DOCK6: variants seen among roughly 807,000 people sequenced by gnomAD.
DOCK6 encodes dedicator of cytokinesis protein 6.
A neutral mutation model predicts 230.3 loss-of-function variants in DOCK6; 167 were observed. That is an observed-to-expected ratio of 0.73 (90% CI 0.64 to 0.82). DOCK6 has a LOEUF of 0.82. DOCK6 is among the 40% of genes least tolerant of loss of function. The pLI is 0.00. For synonymous variants in DOCK6, 1,148 were observed against 1,185.0 expected, an observed-to-expected ratio of 0.97 and a Z score of 0.64; for missense variants, 2,598 against 2,825.8, an observed-to-expected ratio of 0.92 and a Z score of 1.83.
intron 24 of DOCK6, among the ~76,000 whole-genome samples, chr19:11,223,639 A>T (rs9967639): frequency 0.082 from 12,483 of 151,960 alleles, 591 homozygotes; most frequent in African/African-American, 0.12. Flanking sequence ...TTTTTATTTT[A>T]ATTTTAATTA....
rs774273979 is a variant in DOCK6 at position 11,201,896 on chromosome 19, C to T, written c.5681G>A (p.Arg1894Gln). 2.6e-5 allele frequency: 40 copies of T among 1,564,770 alleles called. No individual in the cohort carries two copies. In the Middle Eastern group the frequency reaches 1.5e-3, roughly 59 times the overall value. The change falls in exon 44 of 48, where the codon CGG (arginine) becomes CAG (glutamine). Residue 1894 changes from arginine (R) to glutamine (Q), a missense_variant. Transcript: ENST00000294618. This position sits in a 1 kb window ranked among gnomAD's most constrained non-coding sequence, Gnocchi z 4.3. ...CCCAGGATCCCCACCCACCTCCTCC[C>T]GGTGGCACACACGGATGCGAGTCTT... Reference protein sequence around the residue: ...YIKTRIRVCHREETVLTPVEV... With the variant: ...YIKTRIRVCHQEETVLTPVEV...
In DOCK6 at chr19:11,214,374, C is replaced by G; in HGVS notation, c.4239G>C (p.Leu1413Phe). 1.2e-6 allele frequency: 2 copies of G among 1,613,608 alleles called. No homozygotes were observed. Among genetic ancestry groups the G allele is most frequent in the Non-Finnish European group, 1.7e-6 (2 of 1,179,792 alleles). Residue 1413 changes from leucine (L) to phenylalanine (F), a missense_variant, in exon 34 of 48, where the codon TTG becomes TTC. Transcript: ENST00000294618. ...ACAGCACAACCTTCAGCACTGCCCC[C>G]AAGACGCTCTCCCGGGCTTCTGAAA... ...VMLSEARESV[L>F]GAVLKVVLYS...
At chr19:11,205,700 C>G (rs1163007317) in intron 39 of DOCK6, 2 of 152,098 alleles carry the variant, frequency 1.3e-5, no homozygotes, top group Non-Finnish European at 2.9e-5. Flanking sequence ...TGGTCTCAAA[C>G]TCCTGACCTC....
intron 28 of DOCK6, 45 bp downstream of exon 28, chr19:11,221,806 C>G (rs1356031710): frequency 1.9e-6 from 3 of 1,613,032 alleles, no homozygotes; most frequent in Non-Finnish European, 2.5e-6. Flanking sequence ...CTTCTGTGAC[C>G]AAGTCCCTGG....
intron 5 of DOCK6, 105 bp downstream of exon 5, chr19:11,252,014 T>A: frequency 6.6e-7 from 1 of 1,519,558 alleles, no homozygotes; most frequent in South Asian, 1.2e-5. Context: ...CAATTCCTTT[T>A]GAGCTCAAGG....
chr19:11,249,239 G>A (rs574993258), intron 6 of DOCK6, among the ~76,000 whole-genome samples: 9 of 152,250 alleles, frequency 5.9e-5, no homozygotes, highest in Non-Finnish European at 7.4e-5. Flanking sequence ...CTGGCCAGGC[G>A]CAGTGGCTCA....
rs1470857360 is a variant in DOCK6 at position 11,213,258 on chromosome 19, C to T, written c.4409G>A (p.Cys1470Tyr). The T allele has an allele frequency of 2.5e-6, 4 of 1,613,116 alleles. No homozygotes were observed. The highest frequency in any genetic ancestry group is 1.7e-5 in the Admixed American group (1 of 60,012). The change falls in exon 35 of 48, where the codon TGT (cysteine) becomes TAT (tyrosine). Residue 1470 changes from cysteine (C) to tyrosine (Y), a missense_variant. By Grantham distance (194) the Cys-to-Tyr change is radical (BLOSUM62 -2). Transcript: ENST00000294618. ...GCGGATGGTGCTGATGCGGCTGCCA[C>T]AGTGTCGTAGGAGCCTCAGGCACAG... ...ADLCLRLLRH[C>Y]GSRISTIRTH... is the part of the protein sequence containing the mutation.
rs778603926 is a variant in DOCK6 at position 11,241,451 on chromosome 19, G to A, written c.1643+594C>T. 3.2e-5 allele frequency: 49 copies of A among 1,548,368 alleles called. No homozygotes were observed. The Admixed American group carries it at 3.7e-4, about 12-fold the overall frequency. Reference sequence around the variant, plus strand: ...TCCATTCTGACCCCCACAGGCTCACGCTGACAAGCAGAGCCACATCCTATG... The same window carrying A: ...TCCATTCTGACCCCCACAGGCTCACACTGACAAGCAGAGCCACATCCTATG... On this transcript the variant is annotated intron_variant, in intron 14 of 47. Coordinates refer to ENST00000294618, the MANE Select transcript of DOCK6 (RefSeq NM_020812.4).
At chr19:11,260,230 C>T (rs953337230) in intron 1 of DOCK6, among the ~76,000 whole-genome samples, 5 of 152,090 alleles carry the variant, frequency 3.3e-5, no homozygotes, top group African/African-American at 1.2e-4. Flanking sequence ...TCCAAAACCC[C>T]TCTTTCTCAC....
chr19:11,245,905 T>C (rs2080025225), intron 7 of DOCK6, 27 bp from the exon 8 acceptor site: 1 of 1,552,864 alleles, frequency 6.4e-7, no homozygotes, highest in African/African-American at 1.4e-5. Context: ...GGGAGGGGGC[T>C]CTCCTTAACA....
chr19:11,218,266 C>T (rs2079526115), intron 28 of DOCK6, among the ~76,000 whole-genome samples: 2 of 152,094 alleles, frequency 1.3e-5, no homozygotes, highest in South Asian at 4.1e-4. Context: ...CGTGCCTCAG[C>T]CTCCCGAGTA....
At position 11,243,442 on chromosome 19, in the gene DOCK6, G is replaced by A; in HGVS notation, c.1259-57C>T. On this transcript the variant is annotated intron_variant, in intron 11 of 47. Coordinates refer to ENST00000294618, the MANE Select transcript of DOCK6 (RefSeq NM_020812.4). The surrounding 1 kb of genome is among the most constrained non-coding windows in gnomAD (Gnocchi z 6.3). ...GACCAAGATGAAACAGGGAGACTCA[G>A]GGGCGGCACAGTTCGGCCAGCAGAG... is the stretch of plus-strand genomic sequence containing the variant. 1 of 1,573,550 alleles carries A rather than the reference G, an allele frequency of 6.4e-7. No homozygotes were observed. Among genetic ancestry groups the A allele is most frequent in the Non-Finnish European group, 8.6e-7 (1 of 1,161,458 alleles).
At chr19:11,257,804 T>A in intron 1 of DOCK6, among the ~76,000 whole-genome samples, 1 of 150,102 alleles carries the variant, frequency 6.7e-6, no homozygotes, top group Non-Finnish European at 1.5e-5. Flanking sequence ...AAAAAAAAAA[T>A]CCATCTATAA....
intron 22 of DOCK6, 121 bp downstream of exon 22, chr19:11,233,082 G>T (rs2147817656): frequency 7.5e-7 from 1 of 1,341,422 alleles, no homozygotes; most frequent in Non-Finnish European, 1.0e-6. Context: ...TGCCCAGAGT[G>T]ACGCCTTCAT....
rs961670174 is a variant in DOCK6, at chr19:11,202,214, G to A, written c.5452-89C>T. 2.3e-5 allele frequency: 33 copies of A among 1,462,224 alleles called. No homozygotes were observed. In the African/African-American group the frequency reaches 4.6e-4, roughly 20 times the overall value. The allele number at this position is 1,462,224 out of a possible 1,614,324, so 90.6% of individuals were successfully genotyped here. A position where few individuals can be genotyped will look rare whatever the true frequency, so the allele number is the denominator to read the frequency against. ...TGGAGAGAGGGGATCTGGGGACTTT[G>A]TCATTTCCAAGTCTTCCTATGTCTG... On this transcript the variant is annotated intron_variant, in intron 43 of 47. Transcript: ENST00000294618. The surrounding 1 kb of genome is among the most constrained non-coding windows in gnomAD (Gnocchi z 5.3).
chr19:11,254,303 C>T (rs529028562), intron 1 of DOCK6, among the ~76,000 whole-genome samples: 7 of 152,312 alleles, frequency 4.6e-5, no homozygotes, highest in East Asian at 3.9e-4. Flanking sequence ...ACCTGGCCTG[C>T]GGGGCCCAGA....
intron 37 of DOCK6, among the ~76,000 whole-genome samples, chr19:11,211,110 C>G (rs1333834534): frequency 1.3e-5 from 2 of 152,026 alleles, no homozygotes; most frequent in African/African-American, 4.8e-5. Flanking sequence ...ATTCACCTGT[C>G]TCCTCGCTTA....
intron 6 of DOCK6, among the ~76,000 whole-genome samples, chr19:11,249,426 G>A (rs568838160): frequency 3.3e-5 from 5 of 151,956 alleles, no homozygotes; most frequent in East Asian, 3.9e-4. Context: ...CAGAAGAATC[G>A]CTTGAACCTG....
At position 11,202,695 on chromosome 19, in the gene DOCK6, C is replaced by T. The variant is rs772194095; in HGVS notation, c.5250G>A (p.Thr1750=). 12 of 1,613,880 alleles carry T rather than the reference C, an allele frequency of 7.4e-6. No homozygotes were observed. The African/African-American group carries it at 1.1e-4, about 14-fold the overall frequency. The change falls in exon 42 of 48, where the codon ACG becomes ACA. Residue 1750 remains threonine, a synonymous_variant. Coordinates refer to ENST00000294618, the MANE Select transcript of DOCK6 (RefSeq NM_020812.4). This position sits in a 1 kb window ranked among gnomAD's most constrained non-coding sequence, Gnocchi z 5.3. ...CGCCGTAGAAGCCCACGCGGAAATA[C>T]GTCCCGAACACGCGCTGGGGCTGTG... The part of the protein sequence containing the change: ...QSSGWERVFG[T]YFRVGFYGAH...
Sources: gnomAD v4.1 joint callset for allele counts (sites outside exome capture counted in the v4.1 genomes callset) on GRCh38, gnomAD v4.1.1 for gene constraint, Gnocchi (gnomAD v3.1) non-coding constraint, MANE v1.5 for transcripts, NCBI Gene and HGNC (gene_info 2026-07-23, HGNC 2026-07-21) for gene names.